Variants in FOXO3 observed in about 807,000 individuals in gnomAD.
FOXO3 encodes forkhead box O3, also known as forkhead box protein O3.
Under a neutral mutation model 41.9 loss-of-function variants are expected in FOXO3, and 4 were observed. The ratio of observed to expected loss-of-function variants is 0.10; its 90% CI spans 0.05 to 0.22. The LOEUF (loss-of-function observed/expected upper bound fraction) is 0.22, where lower values mean the gene tolerates loss of function less well. Among genes scored for constraint, FOXO3 ranks in the 10% least tolerant of loss-of-function variants. The probability of loss-of-function intolerance (pLI) is 1.00; values close to 1 mark genes in which losing one functional copy is unlikely to be tolerated. For missense variants in FOXO3, 534 were observed against 906.8 expected, an observed-to-expected ratio of 0.59 and a Z score of 5.28; for synonymous variants, 318 against 389.3, an observed-to-expected ratio of 0.82 and a Z score of 2.16.
rs954796691 is a variant in FOXO3 at position 108,673,208 on chromosome 6, C to T, written c.*35-6619C>T. ...AAGCCAAAGCACTCCCTGCCCCACTCGTCAGGTTCTACTCAGACTGCCCTG... is the reference window on the plus strand; with the variant it reads ...AAGCCAAAGCACTCCCTGCCCCACTTGTCAGGTTCTACTCAGACTGCCCTG... On this transcript the variant is annotated intron_variant, in intron 2 of 2. Coordinates refer to ENST00000406360, the MANE Select transcript of FOXO3 (RefSeq NM_001455.4). Among the ~76,000 whole-genome samples the T allele has an allele frequency of 3.9e-5, 6 of 152,208 alleles. No individual in the cohort carries two copies. The East Asian group carries it at 7.7e-4, about 20-fold the overall frequency.
intron 1 of FOXO3, among the ~76,000 whole-genome samples, chr6:108,582,341 C>G (rs1051190416): frequency 2.6e-5 from 4 of 152,128 alleles, no homozygotes; most frequent in African/African-American, 9.7e-5. Flanking sequence ...GTTGTTGTCC[C>G]AGGAGGCAGA....
At chr6:108,638,161 G>A (rs1384002549) in intron 1 of FOXO3, among the ~76,000 whole-genome samples, 1 of 152,100 alleles carries the variant, frequency 6.6e-6, no homozygotes, top group African/African-American at 2.4e-5. Context: ...GAGATGAATG[G>A]GACAGGAGAG....
chr6:108,683,727 A>G lies in FOXO3; in HGVS notation c.*3935A>G, dbSNP rs1267697560. Reference sequence around the variant, plus strand: ...ATGTTACTCATCCTCTCTGAAAGCAAAAAGGAAACCCTAACAGCTCTGAAC... The same window carrying G: ...ATGTTACTCATCCTCTCTGAAAGCAGAAAGGAAACCCTAACAGCTCTGAAC... On this transcript the variant is annotated 3_prime_UTR_variant, in exon 3 of 3. Coordinates refer to ENST00000406360, the MANE Select transcript of FOXO3 (RefSeq NM_001455.4). 6.6e-6 allele frequency: 1 copy of G among 152,218 alleles called. No individual in the cohort carries two copies. Among genetic ancestry groups the G allele is most frequent in the Non-Finnish European group, 1.5e-5 (1 of 68,046 alleles). 9.4% of individuals were successfully genotyped at this position (152,218 alleles called of 1,614,324 possible). A position where few individuals can be genotyped will look rare whatever the true frequency, so the allele number is the denominator to read the frequency against.
At chr6:108,591,877 C>T (rs112968496) in intron 1 of FOXO3, among the ~76,000 whole-genome samples, 1,802 of 70,154 alleles carry the variant, frequency 0.026, 51 homozygotes, top group African/African-American at 0.082. Context: ...GCACCACCCT[C>T]TTTTTAGTTA....
At position 108,561,787 on chromosome 6, in the gene FOXO3, C is replaced by T. The variant is rs771982912; in HGVS notation, c.579C>T (p.Tyr193=). ...AGTGGATGGTGCGTTGCGTGCCCTACTTCAAGGATAAGGGCGACAGCAACA... is the reference window on the plus strand; with the variant it reads ...AGTGGATGGTGCGTTGCGTGCCCTATTTCAAGGATAAGGGCGACAGCAACA... The part of the protein sequence containing the change: ...IYEWMVRCVP[Y]FKDKGDSNSS... Residue 193 remains tyrosine (Y), a synonymous_variant, in exon 1 of 3, where the codon TAC becomes TAT. Coordinates refer to ENST00000406360, the MANE Select transcript of FOXO3 (RefSeq NM_001455.4). The T allele has an allele frequency of 7.5e-6, 12 of 1,598,866 alleles. No individual in the cohort carries two copies. The East Asian group carries it at 1.6e-4, about 22-fold the overall frequency.
At chr6:108,627,678 C>A (rs1343585282) in intron 1 of FOXO3, among the ~76,000 whole-genome samples, 3 of 151,962 alleles carry the variant, frequency 2.0e-5, no homozygotes, top group African/African-American at 7.3e-5. Context: ...AATACACTAA[C>A]ACTAACAGTA....
intron 1 of FOXO3, among the ~76,000 whole-genome samples, chr6:108,637,299 GTGC>G (rs1403588847): frequency 3.9e-5 from 6 of 152,072 alleles, no homozygotes; most frequent in African/African-American, 1.4e-4. Flanking sequence ...GTTTCTCGAG[GTGC>G]TGCTGGGTTC....
At chr6:108,560,487 C>T (rs1298263603), upstream of FOXO3, among the ~76,000 whole-genome samples, 1 of 152,204 alleles carries the variant, frequency 6.6e-6, no homozygotes, top group East Asian at 1.9e-4. Flanking sequence ...CCCAGACCCC[C>T]GTTCGCCCTC....
At chr6:108,665,631 G>A (rs926584150) in intron 2 of FOXO3, among the ~76,000 whole-genome samples, 17 of 152,006 alleles carry the variant, frequency 1.1e-4, no homozygotes, top group Admixed American at 3.3e-4. Flanking sequence ...GACCAGCATG[G>A]GCAACATAGC....
At chr6:108,661,298 C>T (rs1209590738) in intron 1 of FOXO3, among the ~76,000 whole-genome samples, 1 of 151,988 alleles carries the variant, frequency 6.6e-6, no homozygotes, top group Non-Finnish European at 1.5e-5. Context: ...TACATGAATA[C>T]AGTTCGTGAT....
At chr6:108,675,112 C>G (rs916503903) in intron 2 of FOXO3, among the ~76,000 whole-genome samples, 6 of 152,072 alleles carry the variant, frequency 3.9e-5, no homozygotes, top group Admixed American at 1.3e-4. Context: ...ATTTATCTGT[C>G]CCTATCTCTG....
rs1405856470 is a variant in FOXO3 at position 108,682,167 on chromosome 6, G to A, written c.*2375G>A. 6.6e-6 allele frequency: 1 copy of A among 152,636 alleles called. No individual in the cohort carries two copies. The highest frequency in any genetic ancestry group is 1.5e-5 in the Non-Finnish European group (1 of 68,040). 9.5% of individuals were successfully genotyped at this position (152,636 alleles called of 1,614,324 possible). A position where few individuals can be genotyped will look rare whatever the true frequency, so the allele number is the denominator to read the frequency against. ...GGAGTGAGAAAGGCAACCCTCCAAT[G>A]TGTTTCAACTTTAAAATGTTGAATT... is the stretch of plus-strand genomic sequence containing the variant. On this transcript the variant is annotated 3_prime_UTR_variant, in exon 3 of 3. Coordinates refer to ENST00000406360, the MANE Select transcript of FOXO3 (RefSeq NM_001455.4).
At chr6:108,677,129 C>CCT (rs1770632547) in intron 2 of FOXO3, among the ~76,000 whole-genome samples, 1 of 152,184 alleles carries the variant, frequency 6.6e-6, no homozygotes, top group South Asian at 2.1e-4. Context: ...AGCAGGCCTC[C>CCT]CTGGGAGGGC....
intron 1 of FOXO3, among the ~76,000 whole-genome samples, chr6:108,564,048 G>A (rs1249790240): frequency 6.6e-6 from 1 of 151,592 alleles, no homozygotes; most frequent in African/African-American, 2.4e-5. Context: ...GGCTTAATAT[G>A]CTTAATACAG....
chr6:108,631,306 G>C (rs1451015731), intron 1 of FOXO3, among the ~76,000 whole-genome samples: 2 of 152,168 alleles, frequency 1.3e-5, no homozygotes, highest in East Asian at 3.9e-4. Flanking sequence ...GACCAGCATA[G>C]TGTGGAAGGT....
At chr6:108,619,758 T>G (rs1777615296) in intron 1 of FOXO3, among the ~76,000 whole-genome samples, 3 of 152,224 alleles carry the variant, frequency 2.0e-5, no homozygotes, top group African/African-American at 7.2e-5. Context: ...CTAATACCCC[T>G]GATTAAGAAT....
At chr6:108,673,478 C>T (rs1770435309) in intron 2 of FOXO3, among the ~76,000 whole-genome samples, 1 of 152,242 alleles carries the variant, frequency 6.6e-6, no homozygotes, top group South Asian at 2.1e-4. Context: ...CCATCTGTGT[C>T]ACCTGTGTGT....
At chr6:108,627,966 A>G (rs184025311) in intron 1 of FOXO3, among the ~76,000 whole-genome samples, 41 of 152,314 alleles carry the variant, frequency 2.7e-4, no homozygotes, top group African/African-American at 8.7e-4. Context: ...CTTAGAGCAG[A>G]GTTTGGCATG....
At chr6:108,659,247 G>A (rs914180193) in intron 1 of FOXO3, among the ~76,000 whole-genome samples, 4 of 152,046 alleles carry the variant, frequency 2.6e-5, no homozygotes, top group Admixed American at 6.6e-5. Context: ...CCAAATACCC[G>A]TAACTATTTC....
Sources: allele counts gnomAD v4.1 joint callset (sites outside exome capture counted in the v4.1 genomes callset), GRCh38; gene constraint gnomAD v4.1.1; transcripts MANE v1.5; gene names NCBI Gene and HGNC (gene_info 2026-07-23, HGNC 2026-07-21).